The following ZNRF1 variants were observed in gnomAD, a reference collection of about 807,000 sequenced individuals.
The protein encoded by ZNRF1 is zinc and ring finger 1, also known as E3 ubiquitin-protein ligase ZNRF1.
In ZNRF1, 3 loss-of-function variants were observed where a neutral mutation model predicts 18.4. The observed-to-expected ratio is 0.16, with a 90% CI of 0.07 to 0.42. ZNRF1 has a LOEUF of 0.42. ZNRF1 is among the 10% of genes least tolerant of loss of function. The pLI is 0.99. For synonymous variants in ZNRF1, 157 were observed against 144.2 expected (o/e 1.09, Z -0.64); for missense variants, 310 against 329.8 (o/e 0.94, Z 0.47).
intron 1 of ZNRF1, among the ~76,000 whole-genome samples, chr16:75,026,313 A>G (rs763813434): frequency 2.0e-5 from 3 of 152,048 alleles, no homozygotes; most frequent in East Asian, 1.9e-4. Context: ...TGTGGGCAAG[A>G]GTAAAAGTAC....
intron 1 of ZNRF1, among the ~76,000 whole-genome samples, chr16:75,050,886 AAAC>A (rs1226874316): frequency 9.5e-4 from 43 of 45,110 alleles, no homozygotes; most frequent in African/African-American, 2.3e-3. Context: ...AAAAAAAAAA[AAAC>A]AAAAAAAAAC....
At chr16:75,019,705 T>A (rs958704041) in intron 1 of ZNRF1, among the ~76,000 whole-genome samples, 5 of 152,094 alleles carry the variant, frequency 3.3e-5, no homozygotes, top group African/African-American at 1.2e-4. Context: ...ACTTTTGATT[T>A]TTGTTTTGTT....
intron 1 of ZNRF1, among the ~76,000 whole-genome samples, chr16:75,034,359 TA>T (rs1273487917): frequency 1.3e-5 from 2 of 152,222 alleles, no homozygotes; most frequent in Non-Finnish European, 2.9e-5. Context: ...TGACCACTCT[TA>T]ATAACTCATA....
intron 1 of ZNRF1, among the ~76,000 whole-genome samples, chr16:75,017,996 C>G (rs149293071): frequency 6.6e-6 from 1 of 152,264 alleles, no homozygotes; most frequent in Non-Finnish European, 1.5e-5. Context: ...GGGCAAGTGA[C>G]CTAACAACCT....
At chr16:75,064,411 C>A (rs561435771) in intron 1 of ZNRF1, among the ~76,000 whole-genome samples, 1 of 152,018 alleles carries the variant, frequency 6.6e-6, no homozygotes, top group Admixed American at 6.5e-5. Flanking sequence ...CAAAAATTAG[C>A]CAGGCGTGGT....
intron 1 of ZNRF1, among the ~76,000 whole-genome samples, chr16:75,011,409 T>G (rs950741329): frequency 5.9e-5 from 9 of 152,150 alleles, no homozygotes; most frequent in Non-Finnish European, 1.3e-4. Context: ...AAAACAAACT[T>G]TTTTTCAGAG....
chr16:75,050,506 A>G (rs1397877726), intron 1 of ZNRF1, among the ~76,000 whole-genome samples: 2 of 151,926 alleles, frequency 1.3e-5, no homozygotes, highest in Non-Finnish European at 2.9e-5. Flanking sequence ...AGCCTGGGCA[A>G]CAGAGCCAGG....
intron 1 of ZNRF1, among the ~76,000 whole-genome samples, chr16:75,077,619 G>A (rs2035957167): frequency 6.6e-6 from 1 of 152,188 alleles, no homozygotes; most frequent in African/African-American, 2.4e-5. Context: ...TGTTGCTGTA[G>A]CAAATATCCA....
chr16:75,044,089 AG>A (rs1178787869), intron 1 of ZNRF1, among the ~76,000 whole-genome samples: 1 of 152,136 alleles, frequency 6.6e-6, no homozygotes, highest in Non-Finnish European at 1.5e-5. Flanking sequence ...CTGGGAATAC[AG>A]GTGTGAGCCA....
Position 74,999,970 on chromosome 16 carries a change from G to T in ZNRF1, c.299G>T (p.Gly100Val). ...GSASDSTYAH[G>V]NGYQETGGGH... is the part of the protein sequence containing the mutation. The stretch of plus-strand genomic sequence containing the variant: ...GCGTCCGACTCCACCTATGCCCATG[G>T]CAATGGTTACCAGGAGACGGGCGGC... The change falls in exon 1 of 5, where the codon GGC becomes GTC. Residue 100 changes from glycine (G) to valine (V), a missense_variant. This residue lies in a region of ZNRF1 where 293 missense variants were observed against 291.2 expected (regional missense o/e 1.01). Transcript: ENST00000335325. 1 of 1,583,006 alleles carries T rather than the reference G, an allele frequency of 6.3e-7. No individual in the cohort carries two copies. The highest frequency in any genetic ancestry group is 2.3e-5 in the East Asian group (1 of 43,550).
At chr16:75,087,055 T>A (rs2036082978) in intron 1 of ZNRF1, among the ~76,000 whole-genome samples, 1 of 152,058 alleles carries the variant, frequency 6.6e-6, no homozygotes, top group Admixed American at 6.6e-5. Flanking sequence ...CTTCGGAAAA[T>A]GAGAAGTGCA....
chr16:75,066,061 G>A (rs1471450599), intron 1 of ZNRF1, among the ~76,000 whole-genome samples: 1 of 152,210 alleles, frequency 6.6e-6, no homozygotes, highest in African/African-American at 2.4e-5. Context: ...CATCTTTGCA[G>A]CTAGGCTCCA....
chr16:75,013,369 A>G (rs975710805), intron 1 of ZNRF1, among the ~76,000 whole-genome samples: 2 of 147,658 alleles, frequency 1.4e-5, no homozygotes, highest in Admixed American at 6.8e-5. Context: ...TTTTTCCGAG[A>G]TGGAGTCTCA....
chr16:75,101,297 T>C (rs1168892745), intron 2 of ZNRF1, among the ~76,000 whole-genome samples: 7 of 152,228 alleles, frequency 4.6e-5, no homozygotes, highest in Non-Finnish European at 1.0e-4. Flanking sequence ...GGCTCACGCC[T>C]GTAATCTCAG....
chr16:75,041,115 T>G (rs975218070), intron 1 of ZNRF1, among the ~76,000 whole-genome samples: 11 of 152,218 alleles, frequency 7.2e-5, no homozygotes, highest in African/African-American at 2.4e-4. Flanking sequence ...CGTGATTTTA[T>G]GTGGACATAA....
intron 1 of ZNRF1, among the ~76,000 whole-genome samples, chr16:75,020,328 A>T (rs1303508546): frequency 6.6e-6 from 1 of 151,424 alleles, no homozygotes; most frequent in Non-Finnish European, 1.5e-5. Context: ...ATATAGTTGG[A>T]TTTTTTTCCA....
chr16:75,098,350 C>T (rs546381272), intron 2 of ZNRF1, among the ~76,000 whole-genome samples: 23 of 152,340 alleles, frequency 1.5e-4, no homozygotes, highest in African/African-American at 1.9e-4. Context: ...AAGTATGAAG[C>T]GCTCCAGGCC....
intron 1 of ZNRF1, among the ~76,000 whole-genome samples, chr16:75,089,811 T>C (rs2036114692): frequency 6.6e-6 from 1 of 152,176 alleles, no homozygotes; most frequent in Non-Finnish European, 1.5e-5. Context: ...TTGGGTGGCC[T>C]ACTTCCTAGT....
intron 1 of ZNRF1, among the ~76,000 whole-genome samples, chr16:75,016,775 C>T (rs575157635): frequency 5.5e-4 from 80 of 145,704 alleles, no homozygotes; most frequent in African/African-American, 1.9e-3. Flanking sequence ...GAACTCCTGA[C>T]CTCAGGTGAT....
Sources: gnomAD v4.1 joint callset for allele counts (sites outside exome capture counted in the v4.1 genomes callset) on GRCh38, gnomAD v4.1.1 for gene constraint, gnomAD v4.1.1 regional missense constraint, MANE v1.5 for transcripts, NCBI Gene and HGNC (gene_info 2026-07-23, HGNC 2026-07-21) for gene names.